The following PVT1 variants were observed in gnomAD, a reference collection of about 807,000 sequenced individuals.
PVT1 encodes the protein CXCR4/PVT1 fusion.
intron 2 of PVT1, among the ~76,000 whole-genome samples, chr8:127,798,245 C>T (rs753206538): frequency 8.6e-5 from 13 of 150,420 alleles, no homozygotes; most frequent in Admixed American, 1.3e-4. Flanking sequence ...CGGAGGTTGC[C>T]GGGAGCCGAG....
At chr8:127,932,379 G>A (rs912154221) in intron 3 of PVT1, 2 of 398,410 alleles carry the variant, frequency 5.0e-6, no homozygotes, top group Admixed American at 4.4e-5. Flanking sequence ...TGGGAAGTCT[G>A]AGATGGATTA....
intron 2 of PVT1, among the ~76,000 whole-genome samples, chr8:127,818,804 G>A (rs920850240): frequency 2.6e-5 from 4 of 152,158 alleles, no homozygotes; most frequent in African/African-American, 9.7e-5. Context: ...TGTGAGAGTA[G>A]AATGACGTGC....
intron 4 of PVT1, among the ~76,000 whole-genome samples, chr8:128,068,850 G>A (rs1259857307): frequency 1.3e-5 from 2 of 152,198 alleles, no homozygotes; most frequent in Admixed American, 1.3e-4. Context: ...CATTGCCGGT[G>A]GCAGCATAAT....
At chr8:128,033,850 G>C (rs528634872) in intron 4 of PVT1, among the ~76,000 whole-genome samples, 2 of 152,160 alleles carry the variant, frequency 1.3e-5, no homozygotes, top group South Asian at 4.1e-4. Context: ...CCTGTATCCT[G>C]AAGTCAATTC....
chr8:128,015,548 G>C (rs1372722667), intron 4 of PVT1, among the ~76,000 whole-genome samples: 1 of 152,024 alleles, frequency 6.6e-6, no homozygotes, highest in African/African-American at 2.4e-5. Context: ...GGCCAAGGTG[G>C]TAGATCACGA....
Position 127,898,702 on chromosome 8 carries a change from A to G in PVT1, n.782+7704A>G, listed in dbSNP as rs768501580. Among the ~76,000 whole-genome samples, 4 of 151,844 alleles carry G rather than the reference A, an allele frequency of 2.6e-5. No individual in the cohort carries two copies. The highest frequency in any genetic ancestry group is 4.8e-5 in the African/African-American group (2 of 41,356). On this transcript the variant is annotated intron_variant and non_coding_transcript_variant, in intron 3 of 10. Coordinates refer to ENST00000651587, the Ensembl canonical transcript of PVT1. This position sits in a 1 kb window ranked among gnomAD's most constrained non-coding sequence, Gnocchi z 4.4. The stretch of plus-strand genomic sequence containing the variant: ...CTCTCACCTTCCCAGGAGGCAGATT[A>G]TTTCCCTGTGGTGGGGGTGAGGCGG...
chr8:127,934,200 G>C (rs1816244868), intron 3 of PVT1, among the ~76,000 whole-genome samples: 1 of 152,232 alleles, frequency 6.6e-6, no homozygotes, highest in African/African-American at 2.4e-5. Flanking sequence ...ATTTTATTGA[G>C]TAGAGGTGAC....
chr8:128,066,634 C>T (rs1269221610), intron 4 of PVT1, among the ~76,000 whole-genome samples: 1 of 152,176 alleles, frequency 6.6e-6, no homozygotes. Context: ...CCAACTGGGC[C>T]TGGTAGGAAA....
intron 5 of PVT1, among the ~76,000 whole-genome samples, chr8:128,084,703 T>C (rs1256495908): frequency 6.6e-6 from 1 of 152,230 alleles, no homozygotes; most frequent in African/African-American, 2.4e-5. Flanking sequence ...CTAAGCCTGA[T>C]GTTTCTTATG....
At chr8:128,019,563 A>G (rs1817410684) in intron 4 of PVT1, among the ~76,000 whole-genome samples, 1 of 152,272 alleles carries the variant, frequency 6.6e-6, no homozygotes, top group South Asian at 2.1e-4. Flanking sequence ...TTGCAAGTGC[A>G]TACATGCTCA....
chr8:128,044,222 C>CA (rs558532511), intron 4 of PVT1, among the ~76,000 whole-genome samples: 1 of 149,092 alleles, frequency 6.7e-6, no homozygotes, highest in African/African-American at 2.5e-5. Flanking sequence ...TCCATCTCCC[C>CA]TTTTTTTTTC....
At chr8:127,982,330 C>G (rs1049411326) in intron 3 of PVT1, among the ~76,000 whole-genome samples, 2 of 152,172 alleles carry the variant, frequency 1.3e-5, no homozygotes, top group South Asian at 4.1e-4. Flanking sequence ...ATCAGTGATG[C>G]TGCTGACTCT....
chr8:127,848,373 AG>A (rs1468245335), intron 2 of PVT1, among the ~76,000 whole-genome samples: 2 of 151,602 alleles, frequency 1.3e-5, no homozygotes, highest in Non-Finnish European at 2.9e-5. Flanking sequence ...CAACATAGCA[AG>A]ACCTCATCTC....
intron 3 of PVT1, among the ~76,000 whole-genome samples, chr8:127,971,005 A>G (rs777048635): frequency 2.6e-5 from 4 of 152,232 alleles, no homozygotes; most frequent in Non-Finnish European, 4.4e-5. Context: ...TCTATGTGCT[A>G]TCAGTGCTGC....
rs529740793 is a variant in PVT1, at chr8:128,037,216, G to A, written n.913-32944G>A. Among the ~76,000 whole-genome samples the A allele has an allele frequency of 2.0e-5, 3 of 152,248 alleles. No homozygotes were observed. In the South Asian group the frequency reaches 6.2e-4, roughly 31 times the overall value. ...GTCACCACTCCTCTGAGGGGCAGGAGCCACTGGGTCCATTTTACAGTCTCC... is the reference window on the plus strand; with the variant it reads ...GTCACCACTCCTCTGAGGGGCAGGAACCACTGGGTCCATTTTACAGTCTCC... On this transcript the variant is annotated intron_variant and non_coding_transcript_variant, in intron 4 of 10. Transcript: ENST00000651587.
intron 5 of PVT1, among the ~76,000 whole-genome samples, chr8:128,087,586 T>C (rs1814274529): frequency 6.6e-6 from 1 of 152,150 alleles, no homozygotes; most frequent in African/African-American, 2.4e-5. Context: ...AAGCAAACTC[T>C]TAAGCATAAC....
chr8:128,071,751 T>C (rs1012245895), intron 5 of PVT1, among the ~76,000 whole-genome samples: 6 of 150,254 alleles, frequency 4.0e-5, no homozygotes, highest in African/African-American at 7.3e-5. Context: ...CGTATAGTTA[T>C]AATTTGTTGA....
chr8:128,033,541 A>C (rs1051138311), intron 4 of PVT1, among the ~76,000 whole-genome samples: 2 of 152,208 alleles, frequency 1.3e-5, no homozygotes, highest in Admixed American at 6.5e-5. Context: ...AGAGGCTAGA[A>C]CATAGCAGAG....
intron 2 of PVT1, among the ~76,000 whole-genome samples, chr8:127,817,857 T>C (rs538017794): frequency 1.3e-5 from 2 of 152,098 alleles, no homozygotes; most frequent in East Asian, 3.9e-4. Flanking sequence ...GAGTGACACC[T>C]TGTCTCAGAA....
Sources: gnomAD v4.1 joint callset for allele counts (sites outside exome capture counted in the v4.1 genomes callset) on GRCh38, gnomAD v4.1.1 for gene constraint, Gnocchi (gnomAD v3.1) non-coding constraint, MANE v1.5 for transcripts, NCBI Gene and HGNC (gene_info 2026-07-23, HGNC 2026-07-21) for gene names.